NMNAT1: variants seen among roughly 807,000 people sequenced by gnomAD.
NMNAT1 encodes the protein nicotinamide/nicotinic acid mononucleotide adenylyltransferase 1.
In NMNAT1, 11 loss-of-function variants were observed where a neutral mutation model predicts 16.7. That is an observed-to-expected ratio of 0.66 (90% CI 0.41 to 1.09). NMNAT1 has a LOEUF of 1.09. Among genes scored for constraint, NMNAT1 ranks in the 50% least tolerant of loss-of-function variants. NMNAT1 has a pLI of 0.00. For synonymous variants in NMNAT1, 110 were observed against 119.8 expected (o/e 0.92, Z 0.53); for missense variants, 280 against 332.3 (o/e 0.84, Z 1.22).
Position 9,982,613 on chromosome 1 carries a change from A to C in NMNAT1, c.752A>C (p.His251Pro), listed in dbSNP as rs1208495291. 1 of 1,614,192 alleles carries C rather than the reference A, an allele frequency of 6.2e-7. No individual in the cohort carries two copies. The highest frequency in any genetic ancestry group is 8.5e-7 in the Non-Finnish European group (1 of 1,180,052). ...PDLVQEYIEK[H>P]NLYSSESEDR... ...CTTGTCCAAGAATACATTGAAAAGC[A>C]TAATTTGTACAGCTCTGAGAGTGAA... Residue 251 changes from histidine (H) to proline (P), a missense_variant, in exon 5 of 5, where the codon CAT (histidine) becomes CCT (proline). By Grantham distance (77) the His-to-Pro change is moderately conservative. Transcript: ENST00000377205.
the NMNAT1 span, among the ~76,000 whole-genome samples, chr1:9,995,224 T>C: frequency 6.6e-6 from 1 of 151,950 alleles, no homozygotes; most frequent in Non-Finnish European, 1.5e-5. Context: ...ACAGGGATAC[T>C]CCATCTCTAT....
At chr1:9,988,690 C>G (rs374755218), downstream of NMNAT1, among the ~76,000 whole-genome samples, 103 of 114,874 alleles carry the variant, frequency 9.0e-4, 2 homozygotes, top group African/African-American at 3.2e-3. Context: ...GGTGACAGAG[C>G]GAGACTCCAT....
chr1:9,962,171 A>T (rs1038765157), intron 1 of NMNAT1, among the ~76,000 whole-genome samples: 17 of 151,974 alleles, frequency 1.1e-4, no homozygotes, highest in African/African-American at 2.4e-5. Context: ...TGTCATCAGT[A>T]ACATCACTTT....
Position 9,972,179 on chromosome 1 carries a change from A to G in NMNAT1, c.106A>G (p.Asn36Asp), listed in dbSNP as rs1408398828. The G allele has an allele frequency of 4.4e-6, 7 of 1,595,152 alleles. No homozygotes were observed. The African/African-American group carries it at 6.7e-5, about 15-fold the overall frequency. ...RLFELAKDYMNGTGRYTVVKG... is the reference protein window; with the variant it reads ...RLFELAKDYMDGTGRYTVVKG... ...GTTTGAGCTGGCCAAGGACTACATG[A>G]ATGGAACAGGTAGGAGCAGTAACCA... Residue 36 changes from asparagine (N) to aspartate (D), a missense_variant, in exon 2 of 5, where the codon AAT becomes GAT. Physicochemically the swap from Asn to Asp is conservative, Grantham distance 23 (BLOSUM62 1). Coordinates refer to ENST00000377205, the MANE Select transcript of NMNAT1 (RefSeq NM_022787.4).
chr1:9,953,727 C>T (rs1641175284), intron 1 of NMNAT1, among the ~76,000 whole-genome samples: 1 of 151,504 alleles, frequency 6.6e-6, no homozygotes, highest in Admixed American at 6.6e-5. Flanking sequence ...AGGCATGAGC[C>T]ACCACACCCG....
At chr1:9,958,681 G>A (rs916021692) in intron 1 of NMNAT1, among the ~76,000 whole-genome samples, 3 of 151,778 alleles carry the variant, frequency 2.0e-5, no homozygotes, top group African/African-American at 4.8e-5. Context: ...CTCGTGATCC[G>A]CCCACCTCTG....
chr1:9,965,001 G>A (rs1303804729), intron 1 of NMNAT1, among the ~76,000 whole-genome samples: 1 of 148,220 alleles, frequency 6.7e-6, no homozygotes, highest in African/African-American at 2.5e-5. Flanking sequence ...CTTTGAGCAA[G>A]ATTATGTCAC....
intron 1 of NMNAT1, among the ~76,000 whole-genome samples, chr1:9,957,144 C>T (rs954873805): frequency 1.3e-5 from 2 of 152,168 alleles, no homozygotes; most frequent in African/African-American, 4.8e-5. Context: ...ATTCCCCTGC[C>T]TCAGCCTCCT....
chr1:9,981,271 A>G lies in NMNAT1; in HGVS notation c.439+101A>G, dbSNP rs1417208268. The G allele has an allele frequency of 9.4e-6, 14 of 1,497,062 alleles. No individual in the cohort carries two copies. Among genetic ancestry groups the G allele is most frequent in the East Asian group, 5.1e-5 (2 of 39,214 alleles). The allele number at this position is 1,497,062 out of a possible 1,614,324, so 92.7% of individuals were successfully genotyped here. A position where few individuals can be genotyped will look rare whatever the true frequency, so the allele number is the denominator to read the frequency against. On this transcript the variant is annotated intron_variant, in intron 4 of 4. Transcript: ENST00000377205. The stretch of plus-strand genomic sequence containing the variant: ...TTTTTTTTAGATGGAGTCTCGCTCT[A>G]TCACCCAGGCTGGAGTGCAGTGGCA...
chr1:9,974,098 A>G (rs1248434810), intron 2 of NMNAT1, among the ~76,000 whole-genome samples: 1 of 152,154 alleles, frequency 6.6e-6, no homozygotes, highest in East Asian at 1.9e-4. Flanking sequence ...TCGGCCTCCC[A>G]AAGTGCTGGA....
At chr1:9,961,950 T>A (rs1186659280) in intron 1 of NMNAT1, among the ~76,000 whole-genome samples, 2 of 151,876 alleles carry the variant, frequency 1.3e-5, no homozygotes, top group African/African-American at 2.4e-5. Flanking sequence ...GTATTTTTAG[T>A]AGAGACGGGG....
intron 3 of NMNAT1, 39 bp downstream of exon 3, chr1:9,975,814 A>G (rs1641794469): frequency 6.7e-7 from 1 of 1,492,804 alleles, no homozygotes; most frequent in Non-Finnish European, 9.2e-7. Context: ...TTCTGTGTAA[A>G]TGGCTAAGCG....
At chr1:9,954,548 T>A (rs1641205364) in intron 1 of NMNAT1, among the ~76,000 whole-genome samples, 1 of 152,108 alleles carries the variant, frequency 6.6e-6, no homozygotes, top group South Asian at 2.1e-4. Flanking sequence ...TTGTCCTTGT[T>A]TTTCTACGCA....
intron 1 of NMNAT1, among the ~76,000 whole-genome samples, chr1:9,958,483 A>C (rs113898379): frequency 0.18 from 26,284 of 148,780 alleles, 3,553 homozygotes; most frequent in African/African-American, 0.37. Context: ...TCTGTCACCC[A>C]GGCTGGAGTG....
At chr1:9,981,383 T>G (rs1365154810) in intron 4 of NMNAT1, 8 of 544,320 alleles carry the variant, frequency 1.5e-5, no homozygotes, top group Non-Finnish European at 2.4e-5. Context: ...TACAGGTGCC[T>G]GCCACCACGC....
intron 1 of NMNAT1, among the ~76,000 whole-genome samples, chr1:9,951,462 T>TTG (rs1553124453): frequency 1.2e-4 from 14 of 121,610 alleles, no homozygotes; most frequent in African/African-American, 2.8e-4. Flanking sequence ...TCAGTTTTTT[T>TTG]TTGTTGTTGT....
the NMNAT1 span, among the ~76,000 whole-genome samples, chr1:9,995,508 C>CA: frequency 6.6e-6 from 1 of 151,808 alleles, no homozygotes; most frequent in African/African-American, 2.4e-5. Flanking sequence ...ACCTGGCCAA[C>CA]ATGGTGAAAC....
chr1:9,972,245 T>A, intron 2 of NMNAT1, 57 bp downstream of exon 2: 1 of 866,124 alleles, frequency 1.2e-6, no homozygotes, highest in Non-Finnish European at 2.0e-6. Context: ...GTGCAGTGGC[T>A]CACACCTGCA....
chr1:9,987,406 C>T (rs1192889703), downstream of NMNAT1, among the ~76,000 whole-genome samples: 4 of 151,692 alleles, frequency 2.6e-5, no homozygotes, highest in Non-Finnish European at 5.9e-5. Flanking sequence ...TTTGGGAGGC[C>T]GAGGAGGGCA....
Sources: allele counts gnomAD v4.1 joint callset (sites outside exome capture counted in the v4.1 genomes callset), GRCh38; gene constraint gnomAD v4.1.1; transcripts MANE v1.5; gene names NCBI Gene and HGNC (gene_info 2026-07-23, HGNC 2026-07-21).